The following LPP variants were observed in gnomAD, a reference collection of about 807,000 sequenced individuals.
LPP encodes lipoma-preferred partner.
A neutral mutation model predicts 60.4 loss-of-function variants in LPP; 38 were observed. The ratio of observed to expected loss-of-function variants is 0.63; its 90% CI spans 0.49 to 0.83. The LOEUF is 0.83. Among genes scored for constraint, LPP ranks in the 40% least tolerant of loss-of-function variants. The pLI, the probability that LPP is intolerant of heterozygous loss-of-function variation, is 0.00. For missense variants in LPP, 902 were observed against 783.6 expected (o/e 1.15, Z -1.80); for synonymous variants, 328 against 290.8 (o/e 1.13, Z -1.30).
chr3:188,402,200 G>GA lies in LPP; in HGVS notation c.-9-3912_-9-3911insA, dbSNP rs1203973633. Among the ~76,000 whole-genome samples, 27 of 151,980 alleles carry GA rather than the reference G, an allele frequency of 1.8e-4. 1 individual carries two copies. The highest frequency in any genetic ancestry group is 2.8e-4 in the Non-Finnish European group (19 of 68,014). On this transcript the variant is annotated intron_variant, in intron 3 of 11. Coordinates refer to ENST00000617246, the MANE Select transcript of LPP (RefSeq NM_001375462.1). The stretch of plus-strand genomic sequence containing the variant: ...GTTATTAAATATCCTAGACAGTAGA[G>GA]GAGGTTGGAGAAAACTCCCCTATCA...
chr3:188,794,562 C>G (rs549668450), intron 9 of LPP, among the ~76,000 whole-genome samples: 1 of 152,068 alleles, frequency 6.6e-6, no homozygotes, highest in Non-Finnish European at 1.5e-5. Context: ...AACCCATTTC[C>G]TTGTGTTAGA....
chr3:188,180,819 T>C (rs535119208), intron 1 of LPP: 42 of 128,540 alleles, frequency 3.3e-4, no homozygotes, highest in African/African-American at 1.1e-3. Flanking sequence ...GTACATGTAA[T>C]TTTGAATGGC....
chr3:188,803,045 C>CTTTTTTTTTTTTTTTTTTTTTTTTTTT (rs374563246), intron 9 of LPP, among the ~76,000 whole-genome samples: 4 of 130,476 alleles, frequency 3.1e-5, no homozygotes, highest in Non-Finnish European at 4.8e-5. Flanking sequence ...GTTGTATATG[C>CTTTTTTTTTTTTTTTTTTTTTTTTTTT]TTTTTTTTTT....
intron 2 of LPP, among the ~76,000 whole-genome samples, chr3:188,246,791 G>A (rs1577532310): frequency 6.6e-6 from 1 of 152,290 alleles, no homozygotes; most frequent in East Asian, 1.9e-4. Flanking sequence ...TTTGTAAATA[G>A]GGAAATGGAG....
intron 5 of LPP, among the ~76,000 whole-genome samples, chr3:188,522,884 A>ATATG (rs1383955866): frequency 1.0e-3 from 141 of 141,070 alleles, no homozygotes; most frequent in African/African-American, 3.4e-3. Context: ...TGAGACATAT[A>ATATG]TGTGTGTGTG....
intron 4 of LPP, among the ~76,000 whole-genome samples, chr3:188,407,786 TTG>T (rs1560364376): frequency 2.4e-4 from 25 of 103,442 alleles, no homozygotes; most frequent in African/African-American, 8.4e-4. Context: ...TTTTGTTTGT[TTG>T]TTTTTTTTTT....
At chr3:188,643,366 T>G (rs1231220443) in intron 7 of LPP, among the ~76,000 whole-genome samples, 1 of 152,236 alleles carries the variant, frequency 6.6e-6, no homozygotes, top group East Asian at 1.9e-4. Flanking sequence ...TCATTTGTCT[T>G]AGGCTTTTAG....
intron 6 of LPP, among the ~76,000 whole-genome samples, chr3:188,527,101 A>G (rs765317662): frequency 3.9e-5 from 6 of 152,168 alleles, no homozygotes; most frequent in Non-Finnish European, 8.8e-5. Flanking sequence ...AAGCAACCAG[A>G]TGGCTGCAGA....
intron 9 of LPP, among the ~76,000 whole-genome samples, chr3:188,823,130 T>C (rs1754449250): frequency 6.6e-6 from 1 of 152,188 alleles, no homozygotes; most frequent in Non-Finnish European, 1.5e-5. Context: ...CAAGGTAATG[T>C]GGCAAGAAGG....
intron 6 of LPP, among the ~76,000 whole-genome samples, chr3:188,576,154 G>T (rs147759634): frequency 6.5e-4 from 99 of 152,296 alleles, no homozygotes; most frequent in African/African-American, 2.3e-3. Context: ...AGGAAAGGTC[G>T]TAGCCCTTTG....
chr3:188,378,463 C>G (rs976096419), intron 3 of LPP, among the ~76,000 whole-genome samples: 1 of 152,174 alleles, frequency 6.6e-6, no homozygotes, highest in Non-Finnish European at 1.5e-5. Context: ...GATCTCGGAC[C>G]GCTGTGCTAG....
At position 188,881,740 on chromosome 3, in the gene LPP, ACCTTTT is replaced by A. The variant is rs554086236; in HGVS notation, c.*7268_*7273del. ...TCTGGGTCAGTTCATATTCCATTCAACCTTTTCCTTTTATCCTTGTCTTCTTCAGAA... is the reference window on the plus strand; with the variant it reads ...TCTGGGTCAGTTCATATTCCATTCAACCTTTTATCCTTGTCTTCTTCAGAA... On this transcript the variant is annotated 3_prime_UTR_variant, in exon 12 of 12. Coordinates refer to ENST00000617246, the MANE Select transcript of LPP (RefSeq NM_001375462.1). 7.7e-3 allele frequency: 1,742 copies of A among 225,500 alleles called. 9 individuals are homozygous for A. The highest frequency in any genetic ancestry group is 0.011 in the Non-Finnish European group (1,294 of 113,128). The allele number at this position is 225,500 out of a possible 1,614,324, so 14.0% of individuals were successfully genotyped here.
chr3:188,753,867 C>T (rs572317248), intron 8 of LPP, among the ~76,000 whole-genome samples: 5 of 152,126 alleles, frequency 3.3e-5, no homozygotes, highest in South Asian at 4.2e-4. Flanking sequence ...AGCCACGTAC[C>T]TGTTGAACCT....
chr3:188,561,674 G>T (rs1295736762), intron 6 of LPP, among the ~76,000 whole-genome samples: 2 of 151,844 alleles, frequency 1.3e-5, no homozygotes, highest in Non-Finnish European at 2.9e-5. Flanking sequence ...ACCCTATTTG[G>T]TAAATTGTCT....
At chr3:188,162,718 T>C (rs1344027524) in intron 1 of LPP, among the ~76,000 whole-genome samples, 1 of 152,212 alleles carries the variant, frequency 6.6e-6, no homozygotes, top group Non-Finnish European at 1.5e-5. Flanking sequence ...TTTGTGAGAA[T>C]CAGGGGCATT....
At chr3:188,641,533 A>G (rs991655465) in intron 7 of LPP, among the ~76,000 whole-genome samples, 1 of 152,186 alleles carries the variant, frequency 6.6e-6, no homozygotes, top group African/African-American at 2.4e-5. Context: ...TCCTAATACC[A>G]AAGGAAAAAC....
intron 7 of LPP, among the ~76,000 whole-genome samples, chr3:188,648,390 G>T (rs562084669): frequency 2.5e-3 from 385 of 152,234 alleles, no homozygotes; most frequent in South Asian, 0.012. Context: ...GCCAAATCAG[G>T]ATGGGAAGTT....
chr3:188,580,604 G>A (rs1328715250), intron 6 of LPP, among the ~76,000 whole-genome samples: 2 of 152,132 alleles, frequency 1.3e-5, no homozygotes, highest in African/African-American at 4.8e-5. Context: ...TATTTAGGGT[G>A]GGAATCATTA....
At position 188,446,415 on chromosome 3, in the gene LPP, T is replaced by C. The variant is rs549181009; in HGVS notation, c.194-38177T>C. ...TTGACCATAGATTATCTCAGCCTTT[T>C]CTTTTTAAAAGTGTCATTGTAACCT... On this transcript the variant is annotated intron_variant, in intron 4 of 11. Transcript: ENST00000617246. 2.0e-5 allele frequency among the ~76,000 whole-genome samples: 3 copies of C among 152,332 alleles called. No individual in the cohort carries two copies. In the East Asian group the frequency reaches 5.8e-4, roughly 29 times the overall value.
Sources: allele counts gnomAD v4.1 joint callset (sites outside exome capture counted in the v4.1 genomes callset), GRCh38; gene constraint gnomAD v4.1.1; transcripts MANE v1.5; gene names NCBI Gene and HGNC (gene_info 2026-07-23, HGNC 2026-07-21).